KSR1: variants seen among roughly 807,000 people sequenced by gnomAD.
The protein encoded by KSR1 is kinase suppressor of ras.
Under a neutral mutation model 92.9 loss-of-function variants are expected in KSR1, and 35 were observed. The ratio of observed to expected loss-of-function variants is 0.38; its 90% confidence interval spans 0.29 to 0.50. The LOEUF (loss-of-function observed/expected upper bound fraction) is 0.50. Ranked by LOEUF, KSR1 falls within the 20% of genes least tolerant of loss-of-function variation. The pLI is 0.94. For synonymous variants in KSR1, 467 were observed against 472.6 expected, an observed-to-expected ratio of 0.99 and a Z score of 0.15; for missense variants, 972 against 1,158.5, an observed-to-expected ratio of 0.84 and a Z score of 2.34.
chr17:27,520,580 C>T (rs2069980562), intron 1 of KSR1, among the ~76,000 whole-genome samples: 2 of 152,222 alleles, frequency 1.3e-5, no homozygotes, highest in South Asian at 4.1e-4. Context: ...TGCCACCAGC[C>T]CTGAAGTCTC....
At chr17:27,619,790 G>A (rs1441759387) in intron 19 of KSR1, among the ~76,000 whole-genome samples, 2 of 151,934 alleles carry the variant, frequency 1.3e-5, no homozygotes, top group Non-Finnish European at 2.9e-5. Context: ...TCGACTCACT[G>A]CAACCTCCGC....
At chr17:27,526,070 C>CTTTCTTTCTTTCTTTCTT (rs369132413) in intron 1 of KSR1, among the ~76,000 whole-genome samples, 1 of 81,380 alleles carries the variant, frequency 1.2e-5, no homozygotes, top group Admixed American at 1.4e-4. Flanking sequence ...CTCTTTCTTT[C>CTTTCTTTCTTTCTTTCTT]TCTTTCTTTC....
chr17:27,551,516 A>G (rs554299112), intron 2 of KSR1, among the ~76,000 whole-genome samples: 1 of 152,174 alleles, frequency 6.6e-6, no homozygotes, highest in African/African-American at 2.4e-5. Flanking sequence ...AAGAAATCAC[A>G]TACATACTCC....
intron 1 of KSR1, among the ~76,000 whole-genome samples, chr17:27,471,226 A>G (rs191163759): frequency 1.4e-4 from 22 of 152,302 alleles, no homozygotes; most frequent in Admixed American, 7.2e-4. Flanking sequence ...GCACTGTTTT[A>G]GGCACTGAGG....
chr17:27,607,489 A>G (rs967987748), intron 14 of KSR1, among the ~76,000 whole-genome samples: 1 of 151,830 alleles, frequency 6.6e-6, no homozygotes, highest in Admixed American at 6.6e-5. Flanking sequence ...TGTGATCAAG[A>G]AAAAATGAAA....
intron 6 of KSR1, among the ~76,000 whole-genome samples, chr17:27,589,399 C>CTT (rs1285977857): frequency 6.6e-6 from 1 of 152,124 alleles, no homozygotes; most frequent in African/African-American, 2.4e-5. Flanking sequence ...CTCTGTAACT[C>CTT]TTAAGTTCAG....
intron 1 of KSR1, among the ~76,000 whole-genome samples, chr17:27,505,520 C>T (rs550541273): frequency 6.6e-6 from 1 of 152,338 alleles, no homozygotes; most frequent in East Asian, 1.9e-4. Context: ...AACAGCCCTG[C>T]TCTGGAGCCA....
chr17:27,567,993 G>A (rs1289798253), intron 2 of KSR1, among the ~76,000 whole-genome samples: 6 of 152,210 alleles, frequency 3.9e-5, no homozygotes, highest in Admixed American at 2.0e-4. Context: ...TGCCCCTAGA[G>A]CCTGGTAGCT....
intron 2 of KSR1, among the ~76,000 whole-genome samples, chr17:27,565,690 GT>G (rs1469301857): frequency 6.6e-6 from 1 of 152,146 alleles, no homozygotes; most frequent in Non-Finnish European, 1.5e-5. Flanking sequence ...CTCCCAAAGT[GT>G]TGGAATTACA....
chr17:27,559,855 C>T lies in KSR1; in HGVS notation c.372+9147C>T, dbSNP rs531441175. Among the ~76,000 whole-genome samples, 2 of 152,266 alleles carry T rather than the reference C, an allele frequency of 1.3e-5. No homozygotes were observed. The highest frequency in any genetic ancestry group is 4.1e-4 in the South Asian group (2 of 4,822). The stretch of plus-strand genomic sequence containing the variant: ...GAGGAGGAGTCTGTGAGGAGGCTGG[C>T]GGGGAGCCGGGGTGGATTCCTGCAG... On this transcript the variant is annotated intron_variant, in intron 2 of 20. Coordinates refer to ENST00000644974, the MANE Select transcript of KSR1 (RefSeq NM_001394583.1). This position sits in a 1 kb window ranked among gnomAD's most constrained non-coding sequence, Gnocchi z 4.2.
At chr17:27,547,651 C>T (rs1390856412) in intron 1 of KSR1, among the ~76,000 whole-genome samples, 1 of 152,138 alleles carries the variant, frequency 6.6e-6, no homozygotes, top group Non-Finnish European at 1.5e-5. Context: ...CAGAGTCTTG[C>T]TCTGTCACCC....
intron 1 of KSR1, among the ~76,000 whole-genome samples, chr17:27,550,162 C>T (rs1299909377): frequency 6.6e-6 from 1 of 152,212 alleles, no homozygotes; most frequent in Non-Finnish European, 1.5e-5. Flanking sequence ...ACCTTAGCCT[C>T]CCAAGTAGCT....
At chr17:27,556,318 G>A (rs1431567146) in intron 2 of KSR1, among the ~76,000 whole-genome samples, 3 of 152,216 alleles carry the variant, frequency 2.0e-5, no homozygotes, top group South Asian at 2.1e-4. Flanking sequence ...GGGCTCAAGC[G>A]ATCCTCCCGC....
chr17:27,580,207 A>G (rs2072696392), intron 3 of KSR1, among the ~76,000 whole-genome samples: 2 of 152,276 alleles, frequency 1.3e-5, no homozygotes, highest in South Asian at 4.1e-4. Context: ...TCATAGATTC[A>G]TGAAATTCAT....
At chr17:27,529,542 C>T (rs764720605) in intron 1 of KSR1, among the ~76,000 whole-genome samples, 1 of 152,246 alleles carries the variant, frequency 6.6e-6, no homozygotes, top group African/African-American at 2.4e-5. Flanking sequence ...CTGCCATGCT[C>T]CTGCCACAGC....
chr17:27,604,763 C>G (rs2073692506), intron 13 of KSR1, 35 bp downstream of exon 13: 1 of 1,610,574 alleles, frequency 6.2e-7, no homozygotes, highest in Non-Finnish European at 8.5e-7. Flanking sequence ...CAGATGGCCC[C>G]CCCTCTTTTT....
chr17:27,599,817 A>G (rs1275203158), intron 10 of KSR1, among the ~76,000 whole-genome samples: 2 of 152,070 alleles, frequency 1.3e-5, no homozygotes, highest in African/African-American at 4.8e-5. Flanking sequence ...CTGTACAAAA[A>G]CTTTTTTTTT....
At chr17:27,571,044 C>T (rs973055845) in intron 2 of KSR1, among the ~76,000 whole-genome samples, 2 of 152,178 alleles carry the variant, frequency 1.3e-5, no homozygotes, top group African/African-American at 4.8e-5. Flanking sequence ...AGGGGCATTG[C>T]GGGGACCCAG....
chr17:27,531,673 A>C (rs1042778820), intron 1 of KSR1, among the ~76,000 whole-genome samples: 1 of 152,150 alleles, frequency 6.6e-6, no homozygotes, highest in African/African-American at 2.4e-5. Context: ...AGAGCACTTC[A>C]GCATATAGCC....
Sources: allele counts gnomAD v4.1 joint callset (sites outside exome capture counted in the v4.1 genomes callset), GRCh38; gene constraint gnomAD v4.1.1; non-coding constraint Gnocchi (gnomAD v3.1); transcripts MANE v1.5; gene names NCBI Gene and HGNC (gene_info 2026-07-23, HGNC 2026-07-21).